MEGF11: variants seen among roughly 807,000 people sequenced by gnomAD.
MEGF11 encodes multiple epidermal growth factor-like domains protein 11.
A neutral mutation model predicts 146.6 loss-of-function variants in MEGF11; 126 were observed. The observed-to-expected ratio is 0.86, with a 90% confidence interval of 0.74 to 1.00. The LOEUF (loss-of-function observed/expected upper bound fraction) is 1.00. MEGF11 is among the 50% of genes least tolerant of loss of function. The pLI is 0.00. For missense variants in MEGF11, 1,509 were observed against 1,521.2 expected (o/e 0.99, Z 0.13); for synonymous variants, 532 against 583.4 (o/e 0.91, Z 1.27).
chr15:65,987,902 G>C (rs929552350), intron 5 of MEGF11, among the ~76,000 whole-genome samples: 5 of 151,820 alleles, frequency 3.3e-5, no homozygotes, highest in African/African-American at 7.3e-5. Context: ...GTACAGATGG[G>C]GTTTCACTGT....
chr15:66,209,913 G>A (rs2091401177), intron 1 of MEGF11, among the ~76,000 whole-genome samples: 1 of 151,894 alleles, frequency 6.6e-6, no homozygotes, highest in East Asian at 1.9e-4. Context: ...CCCATCTCCT[G>A]GGCTCAAGTG....
chr15:66,073,731 G>T (rs1210643628), intron 5 of MEGF11, among the ~76,000 whole-genome samples: 1 of 152,158 alleles, frequency 6.6e-6, no homozygotes, highest in Middle Eastern at 3.2e-3. Context: ...CTATTCCCTT[G>T]CTGAGCTCCA....
chr15:66,163,113 G>A lies in MEGF11; in HGVS notation c.-8-34702C>T, dbSNP rs560268547. 1.1e-3 allele frequency among the ~76,000 whole-genome samples: 169 copies of A among 152,242 alleles called. 1 individual carries two copies. The highest frequency in any genetic ancestry group is 1.8e-3 in the Non-Finnish European group (123 of 68,024). On this transcript the variant is annotated intron_variant, in intron 1 of 25. Coordinates refer to ENST00000395614, the MANE Select transcript of MEGF11 (RefSeq NM_001385028.1). Reference sequence around the variant, plus strand: ...GATGCTGAGGCCTGCAACCCCCAACGTCTACGGTTACCGCCACACCCATGT... The same window carrying A: ...GATGCTGAGGCCTGCAACCCCCAACATCTACGGTTACCGCCACACCCATGT...
chr15:66,070,034 C>T (rs1425799294), intron 5 of MEGF11, among the ~76,000 whole-genome samples: 4 of 152,238 alleles, frequency 2.6e-5, no homozygotes, highest in African/African-American at 9.6e-5. Context: ...CTAGGCTCCT[C>T]TTTCCCTTTT....
intron 5 of MEGF11, among the ~76,000 whole-genome samples, chr15:66,021,586 G>GA (rs2083134595): frequency 1.3e-5 from 2 of 152,316 alleles, no homozygotes; most frequent in Middle Eastern, 6.8e-3. Flanking sequence ...CTGTGAGAAG[G>GA]AAAAAGGCTG....
At chr15:66,158,377 C>T (rs957085048) in intron 1 of MEGF11, among the ~76,000 whole-genome samples, 1 of 152,252 alleles carries the variant, frequency 6.6e-6, no homozygotes, top group African/African-American at 2.4e-5. Context: ...CAGCTCACAA[C>T]CCCCTCTTCC....
At chr15:66,064,600 C>A (rs1389043496) in intron 5 of MEGF11, among the ~76,000 whole-genome samples, 1 of 151,386 alleles carries the variant, frequency 6.6e-6, no homozygotes, top group Non-Finnish European at 1.5e-5. Flanking sequence ...TCACTGCAGC[C>A]GCCAACTCCC....
At chr15:65,928,354 G>T in intron 13 of MEGF11, 71 bp downstream of exon 13, 1 of 1,006,784 alleles carries the variant, frequency 9.9e-7, no homozygotes, top group South Asian at 1.8e-5. Context: ...GAAGAAAACG[G>T]TCAAGAGAAG....
At chr15:66,155,827 T>C (rs1276989617) in intron 1 of MEGF11, among the ~76,000 whole-genome samples, 1 of 152,236 alleles carries the variant, frequency 6.6e-6, no homozygotes, top group African/African-American at 2.4e-5. Context: ...ACTCCACTGC[T>C]GCAGCCCGCT....
intron 1 of MEGF11, among the ~76,000 whole-genome samples, chr15:66,213,388 C>T (rs1316855517): frequency 1.3e-5 from 2 of 152,108 alleles, no homozygotes; most frequent in Non-Finnish European, 1.5e-5. Flanking sequence ...AAATACTGAG[C>T]GCCTACTATG....
chr15:65,935,513 A>C (rs1373842153), intron 10 of MEGF11, among the ~76,000 whole-genome samples: 1 of 152,202 alleles, frequency 6.6e-6, no homozygotes, highest in Admixed American at 6.5e-5. Flanking sequence ...TGTCTGCTGC[A>C]GAATTGATTG....
chr15:66,045,195 G>C (rs1432576980), intron 5 of MEGF11, among the ~76,000 whole-genome samples: 1 of 152,208 alleles, frequency 6.6e-6, no homozygotes, highest in East Asian at 1.9e-4. Context: ...AGCAATCCAG[G>C]CATTTCTGTT....
At chr15:66,023,919 G>T (rs889858214) in intron 5 of MEGF11, among the ~76,000 whole-genome samples, 2 of 152,212 alleles carry the variant, frequency 1.3e-5, no homozygotes, top group Admixed American at 6.5e-5. Flanking sequence ...GAAGGCTGCA[G>T]GGGGAGGGGA....
At chr15:66,017,107 C>T (rs181433728) in intron 5 of MEGF11, among the ~76,000 whole-genome samples, 46 of 152,238 alleles carry the variant, frequency 3.0e-4, no homozygotes, top group African/African-American at 5.1e-4. Context: ...TGAGTGCGAT[C>T]GATTAAATTA....
At chr15:66,010,686 G>A (rs1403496318) in intron 5 of MEGF11, among the ~76,000 whole-genome samples, 3 of 152,178 alleles carry the variant, frequency 2.0e-5, no homozygotes, top group Non-Finnish European at 4.4e-5. Context: ...AAATAACAGA[G>A]TGTCAATGTT....
At chr15:66,007,972 T>C (rs975644418) in intron 5 of MEGF11, among the ~76,000 whole-genome samples, 6 of 152,148 alleles carry the variant, frequency 3.9e-5, no homozygotes, top group Non-Finnish European at 8.8e-5. Flanking sequence ...GTGGCATGGT[T>C]GTCAGGGTTT....
intron 1 of MEGF11, among the ~76,000 whole-genome samples, chr15:66,203,069 T>G (rs571610408): frequency 6.6e-6 from 1 of 152,262 alleles, no homozygotes; most frequent in South Asian, 2.1e-4. Context: ...GAGAGGAGTT[T>G]CCAGATCCTG....
intron 5 of MEGF11, among the ~76,000 whole-genome samples, chr15:65,992,660 CTT>C (rs75056469): frequency 6.3e-4 from 90 of 142,228 alleles, no homozygotes; most frequent in African/African-American, 1.1e-3. Flanking sequence ...TTATCGGGGA[CTT>C]TTTTTTTTTT....
chr15:66,175,843 T>G (rs1162341665), intron 1 of MEGF11, among the ~76,000 whole-genome samples: 19 of 151,914 alleles, frequency 1.3e-4, no homozygotes, highest in Admixed American at 1.2e-3. Flanking sequence ...AACTAAAAAG[T>G]TCTACACAAC....
Sources: allele counts gnomAD v4.1 joint callset (sites outside exome capture counted in the v4.1 genomes callset), GRCh38; gene constraint gnomAD v4.1.1; transcripts MANE v1.5; gene names NCBI Gene and HGNC (gene_info 2026-07-23, HGNC 2026-07-21).